The following IFI44 variants were observed in gnomAD, a reference collection of about 807,000 sequenced individuals.
IFI44 encodes interferon induced protein 44.
In IFI44, 42 loss-of-function variants were observed where a neutral mutation model predicts 45.0. The observed-to-expected ratio is 0.93, with a 90% CI of 0.73 to 1.21. The LOEUF (loss-of-function observed/expected upper bound fraction) is 1.21. IFI44 is among the 50% of genes most tolerant of loss of function. The probability of loss-of-function intolerance (pLI) is 0.00; values close to 1 mark genes in which losing one functional copy is unlikely to be tolerated. For missense variants in IFI44, 623 were observed against 525.8 expected (o/e 1.18, Z -1.81); for synonymous variants, 221 against 188.6 (o/e 1.17, Z -1.41).
At chr1:78,663,159 C>T in intron 8 of IFI44, 1 of 985,180 alleles carries the variant, frequency 1.0e-6, no homozygotes, top group Non-Finnish European at 1.2e-6. Flanking sequence ...TCTGAACATC[C>T]CAAGCTGTAT....
At chr1:78,661,332 G>C (rs185915497) in intron 7 of IFI44, among the ~76,000 whole-genome samples, 1 of 152,148 alleles carries the variant, frequency 6.6e-6, no homozygotes, top group East Asian at 1.9e-4. Context: ...CCAAAGTTCT[G>C]GGATTAAGGC....
rs142610699 is a variant in IFI44 at position 78,662,831 on chromosome 1, T to C, written c.1241T>C (p.Leu414Pro). 3.1e-6 allele frequency: 5 copies of C among 1,613,752 alleles called. No individual in the cohort carries two copies. The highest frequency in any genetic ancestry group is 3.4e-6 in the Non-Finnish European group (4 of 1,179,896). The change falls in exon 8 of 9, where the codon CTA (leucine) becomes CCA (proline). Residue 414 changes from leucine to proline, a missense_variant. Leu to Pro is a moderately conservative substitution (Grantham distance 98, BLOSUM62 -3). Coordinates refer to ENST00000370747, the MANE Select transcript of IFI44 (RefSeq NM_006417.5). ...VLILSALRRM[L>P]WAADDFLEDL... ...ATTCTTTCTGCTCTGAGACGAATGC[T>C]ATGGGCTGCAGATGACTTCTTAGAG... is the stretch of plus-strand genomic sequence containing the variant.
intron 5 of IFI44, among the ~76,000 whole-genome samples, chr1:78,657,593 C>T (rs929618433): frequency 6.6e-6 from 1 of 152,068 alleles, no homozygotes; most frequent in East Asian, 1.9e-4. Flanking sequence ...TAGTGACATT[C>T]TATATTATTC....
chr1:78,660,528 G>T lies in IFI44; in HGVS notation c.1013-26G>T, dbSNP rs141846690. 2,804 of 1,521,508 alleles carry T rather than the reference G, an allele frequency of 1.8e-3. 46 individuals carry two copies. The African/African-American group carries it at 0.034, about 19-fold the overall frequency. 94.3% of individuals were successfully genotyped at this position (1,521,508 alleles called of 1,614,324 possible). A position where few individuals can be genotyped will look rare whatever the true frequency, so the allele number is the denominator to read the frequency against. On this transcript the variant is annotated intron_variant, in intron 6 of 8. Transcript: ENST00000370747. ...TGAAAATACTGATGCTCTCTAAAAT[G>T]ATTTAAAAAATTCTGTTTGGCATAG... is the stretch of plus-strand genomic sequence containing the variant.
chr1:78,654,307 A>T (rs1165117522), intron 3 of IFI44, 28 bp downstream of exon 3: 1 of 1,210,348 alleles, frequency 8.3e-7, no homozygotes, highest in Non-Finnish European at 1.2e-6. Context: ...AGATTCTATT[A>T]CTCTCTTCAT....
chr1:78,656,725 T>C (rs1647218865), intron 5 of IFI44, among the ~76,000 whole-genome samples: 1 of 150,934 alleles, frequency 6.6e-6, no homozygotes. Context: ...GAAATTATAT[T>C]TACACTTTAT....
At chr1:78,660,402 G>A (rs954943107) in intron 6 of IFI44, 152 bp from the exon 7 acceptor site, 9 of 581,176 alleles carry the variant, frequency 1.5e-5, no homozygotes, top group Admixed American at 3.0e-5. Flanking sequence ...TAGTCCAGGG[G>A]AGTTTTTTGG....
Position 78,650,422 on chromosome 1 carries a change from C to T in IFI44, c.227C>T (p.Ser76Phe), listed in dbSNP as rs1647103602. 1 of 1,612,754 alleles carries T rather than the reference C, an allele frequency of 6.2e-7. No individual in the cohort carries two copies. The highest frequency in any genetic ancestry group is 8.5e-7 in the Non-Finnish European group (1 of 1,178,816). ...EESYQEGKYASIILFALQDTK... is the reference protein window; with the variant it reads ...EESYQEGKYAFIILFALQDTK... ...AGTTACCAGGAAGGAAAGTATGCTTCCATCATCCTTTTTGCACTTCAAGAT... is the reference window on the plus strand; with the variant it reads ...AGTTACCAGGAAGGAAAGTATGCTTTCATCATCCTTTTTGCACTTCAAGAT... The change falls in exon 2 of 9, where the codon TCC (serine) becomes TTC (phenylalanine). Residue 76 changes from serine (S) to phenylalanine (F), a missense_variant. By Grantham distance (155) the Ser-to-Phe change is radical (BLOSUM62 -2). Coordinates refer to ENST00000370747, the MANE Select transcript of IFI44 (RefSeq NM_006417.5).
chr1:78,651,131 A>C (rs911732090), intron 2 of IFI44, among the ~76,000 whole-genome samples: 1 of 152,178 alleles, frequency 6.6e-6, no homozygotes, highest in African/African-American at 2.4e-5. Flanking sequence ...CGTGGAAGAC[A>C]ATTTTTCCAC....
intron 5 of IFI44, 91 bp from the exon 6 acceptor site, chr1:78,659,221 A>T: frequency 2.0e-6 from 2 of 1,025,306 alleles, no homozygotes; most frequent in Non-Finnish European, 2.9e-6. Flanking sequence ...TGTTTTGTTT[A>T]CCATTTGATT....
At chr1:78,655,810 T>C (rs1647198417) in intron 5 of IFI44, among the ~76,000 whole-genome samples, 2 of 152,142 alleles carry the variant, frequency 1.3e-5, no homozygotes, top group Non-Finnish European at 2.9e-5. Flanking sequence ...TTGGGACCAG[T>C]GTGGCAGCTA....
chr1:78,663,780 A>G lies in IFI44; in HGVS notation c.1304A>G (p.Glu435Gly), dbSNP rs1489371111. 6.2e-7 allele frequency: 1 copy of G among 1,612,726 alleles called. No homozygotes were observed. The highest frequency in any genetic ancestry group is 2.2e-5 in the East Asian group (1 of 44,778). The change falls in exon 9 of 9, where the codon GAA (glutamate) becomes GGA (glycine). Residue 435 changes from glutamate to glycine, a missense_variant. Glu to Gly is a moderately conservative substitution (Grantham distance 98). Transcript: ENST00000370747. ...PFEQIGNLRE[E>G]IINCAQGKK is the part of the protein sequence containing the mutation. The stretch of plus-strand genomic sequence containing the variant: ...CTTTTCTCAGGGAATCTAAGGGAGG[A>G]AATTATCAACTGTGCACAAGGAAAA...
At position 78,654,803 on chromosome 1, in the gene IFI44, G is replaced by T. The variant is rs371383863; in HGVS notation, c.495-211G>T. On this transcript the variant is annotated intron_variant, in intron 3 of 8. Coordinates refer to ENST00000370747, the MANE Select transcript of IFI44 (RefSeq NM_006417.5). Reference sequence around the variant, plus strand: ...ATGGTCTAGTAATTTAAATCTGAAAGATTTTATGTCTGGCTTTAGTTGTGT... The same window carrying T: ...ATGGTCTAGTAATTTAAATCTGAAATATTTTATGTCTGGCTTTAGTTGTGT... Among the ~76,000 whole-genome samples, 173 of 152,080 alleles carry T rather than the reference G, an allele frequency of 1.1e-3. 2 individuals carry two copies. The highest frequency in any genetic ancestry group is 3.9e-3 in the African/African-American group (162 of 41,480).
chr1:78,655,311 C>T, intron 4 of IFI44, 51 bp from the exon 5 acceptor site: 1 of 1,560,684 alleles, frequency 6.4e-7, no homozygotes, highest in Non-Finnish European at 8.7e-7. Context: ...GACTTCATCT[C>T]AATTTATAAT....
chr1:78,663,465 G>A, intron 8 of IFI44: 1 of 985,306 alleles, frequency 1.0e-6, no homozygotes, highest in Non-Finnish European at 1.2e-6. Flanking sequence ...GTTCCATTTA[G>A]AGATTTGACA....
intron 6 of IFI44, among the ~76,000 whole-genome samples, chr1:78,659,814 C>T (rs1647351508): frequency 6.6e-6 from 1 of 152,148 alleles, no homozygotes; most frequent in African/African-American, 2.4e-5. Context: ...TATATCTTCG[C>T]ATGCTTTATT....
At position 78,655,352 on chromosome 1, in the gene IFI44, C is replaced by G. The variant is rs759388441; in HGVS notation, c.691-10C>G. ...ATGAATCTTTAAAATTGCTTTTCTC[C>G]CCTCTACAGTATAGGACATACTCTA... On this transcript the variant is annotated splice_polypyrimidine_tract_variant and intron_variant, in intron 4 of 8. Transcript: ENST00000370747. 6.0e-5 allele frequency: 95 copies of G among 1,583,756 alleles called. No individual in the cohort carries two copies. The highest frequency in any genetic ancestry group is 8.0e-5 in the Non-Finnish European group (94 of 1,169,438).
At chr1:78,662,127 A>G (rs1647494045) in intron 7 of IFI44, among the ~76,000 whole-genome samples, 1 of 152,240 alleles carries the variant, frequency 6.6e-6, no homozygotes, top group Admixed American at 6.5e-5. Context: ...AGGTGGGAAC[A>G]CCAGTTGGGA....
rs72935646 is a variant in IFI44 at position 78,662,600 on chromosome 1, A to G, written c.1114-104A>G. The G allele has an allele frequency of 2.7e-3, 2,428 of 885,316 alleles. 47 individuals are homozygous for G. The African/African-American group carries it at 0.037, about 13-fold the overall frequency. 54.8% of individuals were successfully genotyped at this position (885,316 alleles called of 1,614,324 possible). ...GATCTCCATTTTTTTCCAATGGGAA[A>G]TTATTGCAAGTTCCTACATCTTGAT... On this transcript the variant is annotated intron_variant, in intron 7 of 8. Coordinates refer to ENST00000370747, the MANE Select transcript of IFI44 (RefSeq NM_006417.5).
Sources: gnomAD v4.1 joint callset for allele counts (sites outside exome capture counted in the v4.1 genomes callset) on GRCh38, gnomAD v4.1.1 for gene constraint, MANE v1.5 for transcripts, NCBI Gene and HGNC (gene_info 2026-07-23, HGNC 2026-07-21) for gene names.